Variants in MFHAS1 observed in about 807,000 individuals in gnomAD.
MFHAS1 encodes multifunctional ROCO family signaling regulator 1.
Under a neutral mutation model 70.4 loss-of-function variants are expected in MFHAS1, and 50 were observed. The observed-to-expected ratio is 0.71, with a 90% CI of 0.57 to 0.90. The LOEUF is 0.90. MFHAS1 is among the 40% of genes least tolerant of loss of function. The pLI, the probability that MFHAS1 is intolerant of heterozygous loss-of-function variation, is 0.00. For synonymous variants in MFHAS1, 952 were observed against 620.0 expected, an observed-to-expected ratio of 1.54 and a Z score of -7.96; for missense variants, 1,795 against 1,347.6, an observed-to-expected ratio of 1.33 and a Z score of -5.20.
At position 8,892,740 on chromosome 8, in the gene MFHAS1, C is replaced by T. The variant is rs762361092; in HGVS notation, c.319G>A (p.Ala107Thr). Residue 107 changes from alanine to threonine, a missense_variant, in exon 1 of 3, where the codon GCC (alanine) becomes ACC (threonine). By Grantham distance (58) the Ala-to-Thr change is moderately conservative. Transcript: ENST00000276282. This position sits in a 1 kb window ranked among gnomAD's most constrained non-coding sequence, Gnocchi z 4.7. ...TCGGTGAGGTGGTGGCCGAGCTCGGCCACCGCCGGGGGCAGCCGGGCGAAG... is the reference window on the plus strand; with the variant it reads ...TCGGTGAGGTGGTGGCCGAGCTCGGTCACCGCCGGGGGCAGCCGGGCGAAG... ...NRFARLPPAV[A>T]ELGHHLTELD... The T allele has an allele frequency of 5.7e-6, 9 of 1,573,392 alleles. No homozygotes were observed. In the South Asian group the frequency reaches 1.0e-4, roughly 18 times the overall value.
chr8:8,829,322 T>C (rs1213125612), intron 1 of MFHAS1, among the ~76,000 whole-genome samples: 2 of 152,180 alleles, frequency 1.3e-5, no homozygotes, highest in African/African-American at 4.8e-5. Flanking sequence ...CTGGACATCA[T>C]CTTCTTCACT....
intron 1 of MFHAS1, among the ~76,000 whole-genome samples, chr8:8,805,791 G>A (rs1585025096): frequency 6.6e-6 from 1 of 151,890 alleles, no homozygotes; most frequent in Non-Finnish European, 1.5e-5. Flanking sequence ...TCCACCTTCC[G>A]GGTTCAAGAG....
chr8:8,892,914 C>G lies in MFHAS1; in HGVS notation c.145G>C (p.Glu49Gln), dbSNP rs1256590616. The G allele has an allele frequency of 3.2e-6, 5 of 1,560,016 alleles. No homozygotes were observed. The highest frequency in any genetic ancestry group is 4.3e-6 in the Non-Finnish European group (5 of 1,155,952). The change falls in exon 1 of 3, where the codon GAG (glutamate) becomes CAG (glutamine). Residue 49 changes from glutamate (E) to glutamine (Q), a missense_variant. Glu to Gln is a conservative substitution (Grantham distance 29, BLOSUM62 2). Transcript: ENST00000276282. The surrounding 1 kb of genome is among the most constrained non-coding windows in gnomAD (Gnocchi z 4.7). ...ACPGAGADAL[E>Q]SPASPQLVLP... Reference sequence around the variant, plus strand: ...ACGAGCTGGGGGGAGGCGGGGGACTCGAGCGCGTCGGCCCCGGCCCCGGGG... The same window carrying G: ...ACGAGCTGGGGGGAGGCGGGGGACTGGAGCGCGTCGGCCCCGGCCCCGGGG...
chr8:8,874,070 C>T (rs368545886), intron 1 of MFHAS1, among the ~76,000 whole-genome samples: 5 of 152,134 alleles, frequency 3.3e-5, no homozygotes, highest in Non-Finnish European at 7.3e-5. Flanking sequence ...TCATAACCCT[C>T]GAGGCTTTTT....
chr8:8,833,183 G>T (rs1807472029), intron 1 of MFHAS1, among the ~76,000 whole-genome samples: 1 of 152,142 alleles, frequency 6.6e-6, no homozygotes, highest in Non-Finnish European at 1.5e-5. Flanking sequence ...TACACCATTA[G>T]AGACCACCCC....
At chr8:8,862,153 G>A (rs1337492092) in intron 1 of MFHAS1, among the ~76,000 whole-genome samples, 4 of 152,174 alleles carry the variant, frequency 2.6e-5, no homozygotes, top group African/African-American at 4.8e-5. Flanking sequence ...CAAGAGCAGC[G>A]TAGGAAAGCT....
At chr8:8,834,958 A>C (rs906707962) in intron 1 of MFHAS1, among the ~76,000 whole-genome samples, 1 of 152,222 alleles carries the variant, frequency 6.6e-6, no homozygotes, top group Non-Finnish European at 1.5e-5. Flanking sequence ...TGGAACTGGT[A>C]GGTATCCCTT....
At chr8:8,880,246 A>C (rs905199590) in intron 1 of MFHAS1, among the ~76,000 whole-genome samples, 1 of 152,202 alleles carries the variant, frequency 6.6e-6, no homozygotes, top group African/African-American at 2.4e-5. Flanking sequence ...AAAGCCTGGC[A>C]AAAGAATTCC....
chr8:8,803,034 C>T (rs1482453113), intron 1 of MFHAS1, among the ~76,000 whole-genome samples: 1 of 152,184 alleles, frequency 6.6e-6, no homozygotes, highest in Non-Finnish European at 1.5e-5. Flanking sequence ...TATTCTACCA[C>T]TAAGCCACAT....
At chr8:8,866,897 T>A (rs987369110) in intron 1 of MFHAS1, among the ~76,000 whole-genome samples, 3 of 152,222 alleles carry the variant, frequency 2.0e-5, no homozygotes, top group Non-Finnish European at 4.4e-5. Flanking sequence ...TGTACTTGCA[T>A]AATTAGCCTT....
At position 8,848,762 on chromosome 8, in the gene MFHAS1, A is replaced by G. The variant is rs953216046; in HGVS notation, c.2998+41299T>C. Among the ~76,000 whole-genome samples, 5 of 152,338 alleles carry G rather than the reference A, an allele frequency of 3.3e-5. No homozygotes were observed. The South Asian group carries it at 6.2e-4, about 19-fold the overall frequency. On this transcript the variant is annotated intron_variant, in intron 1 of 2. Transcript: ENST00000276282. ...AAACAAATGAAAAACACAGACTGCTATGGCAAGCAGTCGGCCCACAGGCTA... is the reference window on the plus strand; with the variant it reads ...AAACAAATGAAAAACACAGACTGCTGTGGCAAGCAGTCGGCCCACAGGCTA...
intron 1 of MFHAS1, among the ~76,000 whole-genome samples, chr8:8,848,281 G>C (rs556377692): frequency 7.3e-5 from 11 of 151,698 alleles, no homozygotes; most frequent in African/African-American, 2.7e-4. Flanking sequence ...CCTCCTCCTA[G>C]TCTTCAAAGA....
intron 1 of MFHAS1, among the ~76,000 whole-genome samples, chr8:8,875,792 C>G (rs748149195): frequency 6.6e-6 from 1 of 152,162 alleles, no homozygotes; most frequent in African/African-American, 2.4e-5. Context: ...GGGGTTTCAC[C>G]ATGTCAGACT....
chr8:8,834,729 G>A (rs1807535567), intron 1 of MFHAS1, among the ~76,000 whole-genome samples: 1 of 152,192 alleles, frequency 6.6e-6, no homozygotes, highest in Non-Finnish European at 1.5e-5. Flanking sequence ...ATTAAGGGAT[G>A]CATGACTGTA....
At chr8:8,834,725 G>A (rs1012451381) in intron 1 of MFHAS1, among the ~76,000 whole-genome samples, 1 of 152,118 alleles carries the variant, frequency 6.6e-6, no homozygotes, top group African/African-American at 2.4e-5. Context: ...CATCATTAAG[G>A]GATGCATGAC....
chr8:8,819,137 A>G (rs1383117685), intron 1 of MFHAS1, among the ~76,000 whole-genome samples: 1 of 152,188 alleles, frequency 6.6e-6, no homozygotes, highest in African/African-American at 2.4e-5. Context: ...CTCTCTATAT[A>G]TCAATATTTT....
chr8:8,848,712 T>C (rs958867712), intron 1 of MFHAS1, among the ~76,000 whole-genome samples: 15 of 152,208 alleles, frequency 9.9e-5, no homozygotes, highest in Non-Finnish European at 1.9e-4. Flanking sequence ...TTTTGGTCCT[T>C]ACATTAGGAC....
chr8:8,835,960 G>A (rs969012081), intron 1 of MFHAS1, among the ~76,000 whole-genome samples: 2 of 152,248 alleles, frequency 1.3e-5, no homozygotes, highest in Non-Finnish European at 2.9e-5. Flanking sequence ...TGCTACTACA[G>A]TGGCACAGGT....
chr8:8,877,192 G>A (rs375864840), intron 1 of MFHAS1, among the ~76,000 whole-genome samples: 2 of 150,888 alleles, frequency 1.3e-5, no homozygotes, highest in African/African-American at 2.4e-5. Context: ...CCCAACTACT[G>A]GGGAGGCTGA....
Sources: allele counts gnomAD v4.1 joint callset (sites outside exome capture counted in the v4.1 genomes callset), GRCh38; gene constraint gnomAD v4.1.1; non-coding constraint Gnocchi (gnomAD v3.1); transcripts MANE v1.5; gene names NCBI Gene and HGNC (gene_info 2026-07-23, HGNC 2026-07-21).